The following PTPRN2 variants were observed in gnomAD, a reference collection of about 807,000 sequenced individuals.
The protein encoded by PTPRN2 is protein tyrosine phosphatase receptor type N2.
In PTPRN2, 74 loss-of-function variants were observed where a neutral mutation model predicts 118.8. The ratio of observed to expected loss-of-function variants is 0.62; its 90% CI spans 0.52 to 0.76. The LOEUF (loss-of-function observed/expected upper bound fraction) is 0.76. Ranked by LOEUF, PTPRN2 falls within the 30% of genes least tolerant of loss-of-function variation. PTPRN2 has a pLI of 0.00. For synonymous variants in PTPRN2, 641 were observed against 608.0 expected (o/e 1.05, Z -0.80); for missense variants, 1,481 against 1,394.4 (o/e 1.06, Z -0.99).
At chr7:158,048,034 C>T (rs1247006776) in intron 11 of PTPRN2, among the ~76,000 whole-genome samples, 3 of 152,038 alleles carry the variant, frequency 2.0e-5, no homozygotes, top group Non-Finnish European at 4.4e-5. Context: ...ACAGGGGACC[C>T]GATGGATATC....
rs183112566 is a variant in PTPRN2, at chr7:158,150,289, G to A, written c.911-11774C>T. Among the ~76,000 whole-genome samples the A allele has an allele frequency of 2.6e-5, 4 of 152,366 alleles. No homozygotes were observed. In the East Asian group the frequency reaches 7.7e-4, roughly 29 times the overall value. The stretch of plus-strand genomic sequence containing the variant: ...AACAAGTTGAATCCAGGCTGTTTCT[G>A]CTAAAGGCTAACGTAACCAGAACAT... On this transcript the variant is annotated intron_variant, in intron 6 of 22. Transcript: ENST00000389418.
At chr7:157,896,459 T>G (rs1213174818) in intron 12 of PTPRN2, among the ~76,000 whole-genome samples, 1 of 151,290 alleles carries the variant, frequency 6.6e-6, no homozygotes, top group East Asian at 2.0e-4. Flanking sequence ...GGGAAGGAGC[T>G]CCGTTGTGAG....
chr7:157,658,745 A>T (rs1183443294), intron 13 of PTPRN2, among the ~76,000 whole-genome samples: 1 of 152,210 alleles, frequency 6.6e-6, no homozygotes, highest in Non-Finnish European at 1.5e-5. Context: ...CTGTACCCTG[A>T]GTCTGCAAAG....
At chr7:157,688,536 G>A (rs937997751) in intron 12 of PTPRN2, among the ~76,000 whole-genome samples, 28 of 152,152 alleles carry the variant, frequency 1.8e-4, no homozygotes, top group Non-Finnish European at 3.4e-4. Context: ...TAAGGCACCG[G>A]CTCCTGACCC....
At chr7:157,946,669 C>T (rs140848450) in intron 11 of PTPRN2, among the ~76,000 whole-genome samples, 2 of 152,332 alleles carry the variant, frequency 1.3e-5, no homozygotes, top group African/African-American at 4.8e-5. Context: ...GATGGTGTCA[C>T]CACTGTGGGA....
At chr7:158,411,774 G>C (rs974618845) in intron 2 of PTPRN2, among the ~76,000 whole-genome samples, 2 of 152,014 alleles carry the variant, frequency 1.3e-5, no homozygotes, top group African/African-American at 4.8e-5. Context: ...GTCTTATCCA[G>C]ACTCAGCTGC....
rs557642290 is a variant in PTPRN2 at position 157,610,908 on chromosome 7, T to C, written c.2345-6833A>G. On this transcript the variant is annotated intron_variant, in intron 15 of 22. Transcript: ENST00000389418. This position sits in a 1 kb window ranked among gnomAD's most constrained non-coding sequence, Gnocchi z 5.1. The stretch of plus-strand genomic sequence containing the variant: ...TCATCGAACATTTAGGAAAGTCAGC[T>C]GAGTGTCATTCAGGGCCTCCGCAGC... 1.3e-5 allele frequency among the ~76,000 whole-genome samples: 2 copies of C among 152,324 alleles called. No individual in the cohort carries two copies. The highest frequency in any genetic ancestry group is 1.9e-4 in the East Asian group (1 of 5,184).
At chr7:157,757,673 G>GT (rs111681954) in intron 12 of PTPRN2, among the ~76,000 whole-genome samples, 16,198 of 144,748 alleles carry the variant, frequency 0.11, 1,178 homozygotes, top group African/African-American at 0.21. Flanking sequence ...CAAGATACAA[G>GT]TTTTTTTTTT....
intron 11 of PTPRN2, among the ~76,000 whole-genome samples, chr7:157,979,218 A>AT (rs1023041119): frequency 5.3e-5 from 8 of 149,656 alleles, no homozygotes; most frequent in African/African-American, 1.9e-4. Flanking sequence ...AGAAAAAAAA[A>AT]GAAAAATGTT....
At chr7:157,714,981 G>A (rs1047591230) in intron 12 of PTPRN2, among the ~76,000 whole-genome samples, 1 of 152,232 alleles carries the variant, frequency 6.6e-6, no homozygotes, top group Non-Finnish European at 1.5e-5. Context: ...CCAGGGAACG[G>A]CGCCCAGCCC....
chr7:158,170,297 G>A (rs936070137), intron 5 of PTPRN2, among the ~76,000 whole-genome samples: 1 of 152,170 alleles, frequency 6.6e-6, no homozygotes, highest in Non-Finnish European at 1.5e-5. Context: ...ACCGTGCTGG[G>A]GGGTGGGGAT....
intron 10 of PTPRN2, among the ~76,000 whole-genome samples, chr7:158,102,498 C>T (rs1815311857): frequency 1.3e-5 from 2 of 152,282 alleles, no homozygotes; most frequent in Admixed American, 6.5e-5. Flanking sequence ...TCAAATGTCC[C>T]TGAGGACAAT....
At chr7:158,171,028 C>T (rs1425668610) in intron 5 of PTPRN2, among the ~76,000 whole-genome samples, 1 of 143,814 alleles carries the variant, frequency 7.0e-6, no homozygotes, top group Non-Finnish European at 1.5e-5. Flanking sequence ...TATATATACA[C>T]ATATATATAC....
At chr7:157,965,866 C>T (rs1443812579) in intron 11 of PTPRN2, among the ~76,000 whole-genome samples, 1 of 152,178 alleles carries the variant, frequency 6.6e-6, no homozygotes, top group African/African-American at 2.4e-5. Context: ...AGTGCACTTC[C>T]CAAAATGCCT....
At chr7:157,685,198 C>A (rs71538041) in intron 12 of PTPRN2, among the ~76,000 whole-genome samples, 23,477 of 151,706 alleles carry the variant, frequency 0.15, 2,292 homozygotes, top group Non-Finnish European at 0.22. Context: ...ACCCCTCATC[C>A]CGGCCGGGCC....
At chr7:157,694,289 G>T (rs1797663626) in intron 12 of PTPRN2, among the ~76,000 whole-genome samples, 3 of 152,208 alleles carry the variant, frequency 2.0e-5, no homozygotes, top group South Asian at 2.1e-4. Context: ...GGGCCTGAAA[G>T]GTTCCATGCG....
Position 158,022,252 on chromosome 7 carries a change from GACCCT to G in PTPRN2, c.1723+59041_1723+59045del, listed in dbSNP as rs1806935759. Among the ~76,000 whole-genome samples, 1 of 152,208 alleles carries G rather than the reference GACCCT, an allele frequency of 6.6e-6. No homozygotes were observed. The highest frequency in any genetic ancestry group is 6.5e-5 in the Admixed American group (1 of 15,284). On this transcript the variant is annotated intron_variant, in intron 11 of 22. Transcript: ENST00000389418. This position sits in a 1 kb window ranked among gnomAD's most constrained non-coding sequence, Gnocchi z 4.6. ...GAGTGCTTTTACTTTCCCCATTGCTGACCCTACAGCATGATGACTCCGTTTCCTAC... is the reference window on the plus strand; with the variant it reads ...GAGTGCTTTTACTTTCCCCATTGCTGACAGCATGATGACTCCGTTTCCTAC...
Position 158,526,733 on chromosome 7 carries a change from C to T in PTPRN2, c.113-36948G>A, listed in dbSNP as rs1457210608. Among the ~76,000 whole-genome samples, 2 of 152,106 alleles carry T rather than the reference C, an allele frequency of 1.3e-5. No homozygotes were observed. Among genetic ancestry groups the T allele is most frequent in the African/African-American group, 4.8e-5 (2 of 41,416 alleles). ...ATGGAGGAGGAGGTGAGGACACAGA[C>T]ACGCACAGATGGACAACCCTGTGGG... On this transcript the variant is annotated intron_variant, in intron 1 of 22. Coordinates refer to ENST00000389418, the MANE Select transcript of PTPRN2 (RefSeq NM_002847.5). The surrounding 1 kb of genome is among the most constrained non-coding windows in gnomAD (Gnocchi z 5.2).
chr7:158,463,955 AT>A lies in PTPRN2; in HGVS notation c.163+25779del, dbSNP rs1294430960. The stretch of plus-strand genomic sequence containing the variant: ...AAGTAATCACTTCATCATCACCGTC[AT>A]CATCCTTACCATCGCCATCATTGCC... On this transcript the variant is annotated intron_variant, in intron 2 of 22. Coordinates refer to ENST00000389418, the MANE Select transcript of PTPRN2 (RefSeq NM_002847.5). Among the ~76,000 whole-genome samples the A allele has an allele frequency of 4.1e-3, 542 of 133,324 alleles. 51 individuals carry two copies. The highest frequency in any genetic ancestry group is 0.012 in the Middle Eastern group (3 of 252). The allele number at this position is 133,324 out of a possible 152,430, so 87.5% of individuals were successfully genotyped here.
Sources: gnomAD v4.1 joint callset for allele counts (sites outside exome capture counted in the v4.1 genomes callset) on GRCh38, gnomAD v4.1.1 for gene constraint, Gnocchi (gnomAD v3.1) non-coding constraint, MANE v1.5 for transcripts, NCBI Gene and HGNC (gene_info 2026-07-23, HGNC 2026-07-21) for gene names.